Variants in ARL17B observed in about 807,000 individuals in gnomAD.
The protein encoded by ARL17B is ARF like GTPase 17B, also known as ADP-ribosylation factor-like protein 17.
intron 4 of ARL17B, among the ~76,000 whole-genome samples, chr17:46,284,922 T>C (rs929861742): frequency 6.6e-6 from 1 of 152,206 alleles, no homozygotes; most frequent in African/African-American, 2.4e-5. Flanking sequence ...CAGGCTGGAG[T>C]GGAGTGGCAC....
At chr17:46,291,351 T>C (rs1236307464) in intron 4 of ARL17B, among the ~76,000 whole-genome samples, 2 of 151,852 alleles carry the variant, frequency 1.3e-5, no homozygotes, top group African/African-American at 4.8e-5. Flanking sequence ...ACAATCTCAA[T>C]GGAACAGACA....
chr17:46,321,378 AAAT>A (rs2051362723), intron 3 of ARL17B, among the ~76,000 whole-genome samples: 1 of 67,918 alleles, frequency 1.5e-5, no homozygotes, highest in South Asian at 4.4e-4. Flanking sequence ...AAAAAAAAAA[AAAT>A]GTGGTCTCTG....
chr17:46,275,368 T>C, exon 5 of ARL17B: 2 of 1,001,180 alleles, frequency 2.0e-6, no homozygotes, highest in South Asian at 2.6e-5. Context: ...TATGTTAGGT[T>C]AACATGCTGA....
chr17:46,288,374 T>C (rs1434541545), intron 4 of ARL17B, among the ~76,000 whole-genome samples: 1 of 149,192 alleles, frequency 6.7e-6, no homozygotes, highest in Non-Finnish European at 1.5e-5. Flanking sequence ...AGTGGCATGA[T>C]CTCGGCTCAC....
In ARL17B at chr17:46,323,463, C is replaced by G. The variant is rs1264001683; in HGVS notation, c.260-23798G>C. ...CCAGGCTGCAGTGCAGCGGCATGACCTAGGCTCACTGCAACCTCCACCTCC... is the reference window on the plus strand; with the variant it reads ...CCAGGCTGCAGTGCAGCGGCATGACGTAGGCTCACTGCAACCTCCACCTCC... On this transcript the variant is annotated intron_variant, in intron 3 of 4. Transcript: ENST00000434041. 2.0e-5 allele frequency among the ~76,000 whole-genome samples: 2 copies of G among 98,716 alleles called. 1 individual carries two copies. Among genetic ancestry groups the G allele is most frequent in the Non-Finnish European group, 4.7e-5 (2 of 42,478 alleles). The allele number at this position is 98,716 out of a possible 152,430, so 64.8% of individuals were successfully genotyped here.
intron 4 of ARL17B, among the ~76,000 whole-genome samples, chr17:46,280,892 A>G (rs2049745203): frequency 3.3e-5 from 5 of 152,198 alleles, no homozygotes; most frequent in Admixed American, 3.3e-4. Context: ...ACACGCTTTT[A>G]AAAAATACCT....
chr17:46,290,701 C>T (rs2050043250), intron 4 of ARL17B, among the ~76,000 whole-genome samples: 4 of 152,256 alleles, frequency 2.6e-5, no homozygotes, highest in Admixed American at 2.6e-4. Flanking sequence ...TTCACCTCAG[C>T]CTCCCAAAGT....
intron 4 of ARL17B, among the ~76,000 whole-genome samples, chr17:46,288,305 C>CTTTTTTT (rs78255121): frequency 1.8e-5 from 2 of 112,260 alleles, no homozygotes; most frequent in Non-Finnish European, 3.4e-5. Flanking sequence ...CCAGGCCCGG[C>CTTTTTTT]TTTTTTTTTT....
intron 3 of ARL17B, among the ~76,000 whole-genome samples, chr17:46,304,929 T>C (rs1414380455): frequency 1.5e-5 from 1 of 67,748 alleles, no homozygotes; most frequent in Non-Finnish European, 4.6e-5. Context: ...AGTGCAGTGG[T>C]GCGATCTCGG....
At chr17:46,284,681 T>C (rs1006238513) in intron 4 of ARL17B, among the ~76,000 whole-genome samples, 5 of 148,090 alleles carry the variant, frequency 3.4e-5, no homozygotes, top group African/African-American at 9.7e-5. Flanking sequence ...CAACTGCTTC[T>C]GTAACAGGTG....
At chr17:46,278,630 C>T (rs1485987963) in intron 4 of ARL17B, among the ~76,000 whole-genome samples, 50 of 151,950 alleles carry the variant, frequency 3.3e-4, no homozygotes, top group Non-Finnish European at 2.9e-5. Flanking sequence ...TCTCAAACTC[C>T]TGACCTCGTG....
At chr17:46,290,556 C>T (rs2050038616) in intron 4 of ARL17B, among the ~76,000 whole-genome samples, 2 of 152,214 alleles carry the variant, frequency 1.3e-5, no homozygotes, top group Non-Finnish European at 2.9e-5. Flanking sequence ...AAGTGATTCT[C>T]CTCCCTCAGC....
At chr17:46,284,698 G>T (rs1277320632) in intron 4 of ARL17B, among the ~76,000 whole-genome samples, 1 of 152,206 alleles carries the variant, frequency 6.6e-6, no homozygotes, top group African/African-American at 2.4e-5. Context: ...GGTGGGATGG[G>T]TTCAAAGTGT....
At chr17:46,286,118 G>A (rs973398893) in intron 4 of ARL17B, among the ~76,000 whole-genome samples, 3 of 152,244 alleles carry the variant, frequency 2.0e-5, no homozygotes, top group African/African-American at 7.2e-5. Context: ...GGAAATGTGA[G>A]TTCAAAACAG....
intron 4 of ARL17B, among the ~76,000 whole-genome samples, chr17:46,276,790 C>CTTTTCTTTTTTTTTTTTTT (rs2049598576): frequency 1.5e-5 from 2 of 134,312 alleles, no homozygotes; most frequent in Admixed American, 7.7e-5. Flanking sequence ...TTCTTTTTTT[C>CTTTTCTTTTTTTTTTTTTT]TTTTTTTTTT....
chr17:46,284,336 CT>C (rs1179876885), intron 4 of ARL17B, among the ~76,000 whole-genome samples: 2 of 152,236 alleles, frequency 1.3e-5, no homozygotes, highest in African/African-American at 4.8e-5. Context: ...GGTGATGACT[CT>C]TAAGGAGCAT....
At chr17:46,289,578 G>A (rs1350503040) in intron 4 of ARL17B, among the ~76,000 whole-genome samples, 1 of 152,174 alleles carries the variant, frequency 6.6e-6, no homozygotes, top group Non-Finnish European at 1.5e-5. Context: ...GACCTCAGGT[G>A]GTCTGCCCAC....
intron 4 of ARL17B, among the ~76,000 whole-genome samples, chr17:46,280,358 T>C (rs952990165): frequency 1.3e-5 from 2 of 151,786 alleles, no homozygotes; most frequent in Admixed American, 6.6e-5. Context: ...AGTGAGACTC[T>C]GTCTCAAAAA....
At chr17:46,275,894 A>ATT (rs149367039) in intron 4 of ARL17B, among the ~76,000 whole-genome samples, 32 of 147,618 alleles carry the variant, frequency 2.2e-4, no homozygotes, top group African/African-American at 2.7e-4. Context: ...TTTATTCACA[A>ATT]TTTTTTTTTT....
Sources: gnomAD v4.1 joint callset for allele counts (sites outside exome capture counted in the v4.1 genomes callset) on GRCh38, gnomAD v4.1.1 for gene constraint, MANE v1.5 for transcripts, NCBI Gene and HGNC (gene_info 2026-07-23, HGNC 2026-07-21) for gene names.